The following L3MBTL4 variants were observed in gnomAD, a reference collection of about 807,000 sequenced individuals.
L3MBTL4 encodes the protein lethal(3)malignant brain tumor-like protein 4.
A neutral mutation model predicts 84.5 loss-of-function variants in L3MBTL4; 70 were observed. That is an observed-to-expected ratio of 0.83 (90% CI 0.68 to 1.01). The LOEUF is 1.01. L3MBTL4 is among the 50% of genes least tolerant of loss of function. The pLI, the probability that L3MBTL4 is intolerant of heterozygous loss-of-function variation, is 0.00. For synonymous variants in L3MBTL4, 274 were observed against 259.8 expected, an observed-to-expected ratio of 1.05 and a Z score of -0.52; for missense variants, 715 against 754.8, an observed-to-expected ratio of 0.95 and a Z score of 0.62.
intron 16 of L3MBTL4, among the ~76,000 whole-genome samples, chr18:6,052,849 A>T (rs2056884159): frequency 6.6e-6 from 1 of 152,232 alleles, no homozygotes; most frequent in African/African-American, 2.4e-5. Flanking sequence ...CAAAATGGAA[A>T]ATGTACTGCA....
At chr18:6,026,034 G>T (rs1357405260) in intron 16 of L3MBTL4, among the ~76,000 whole-genome samples, 8 of 152,328 alleles carry the variant, frequency 5.3e-5, no homozygotes, top group Admixed American at 3.9e-4. Context: ...CTTAAACTAC[G>T]TCAGCTGCAG....
In L3MBTL4 at chr18:6,162,154, A is replaced by T. The variant is rs75026227; in HGVS notation, c.1096+9674T>A. Among the ~76,000 whole-genome samples, 505 of 152,174 alleles carry T rather than the reference A, an allele frequency of 3.3e-3. 11 individuals are homozygous for T. Among genetic ancestry groups the T allele is most frequent in the East Asian group, 0.019 (99 of 5,182 alleles). ...GATCATTCTTTTTTCATATAATATC[A>T]CTGGTAGACAACCTACTGTGATATC... On this transcript the variant is annotated intron_variant, in intron 13 of 18. Coordinates refer to ENST00000317931, the MANE Select transcript of L3MBTL4 (RefSeq NM_001330559.2).
intron 1 of L3MBTL4, among the ~76,000 whole-genome samples, chr18:6,372,697 C>T (rs1285959300): frequency 6.6e-6 from 1 of 152,152 alleles, no homozygotes; most frequent in African/African-American, 2.4e-5. Context: ...CTCACCTGTA[C>T]ATTAAATTAT....
chr18:6,361,750 A>T (rs1301107008), intron 1 of L3MBTL4, among the ~76,000 whole-genome samples: 1 of 152,120 alleles, frequency 6.6e-6, no homozygotes, highest in Non-Finnish European at 1.5e-5. Flanking sequence ...ATGACCTCCA[A>T]AGAATTCCAT....
chr18:6,181,923 T>G (rs1031341092), intron 12 of L3MBTL4, among the ~76,000 whole-genome samples: 2 of 152,166 alleles, frequency 1.3e-5, no homozygotes, highest in African/African-American at 2.4e-5. Flanking sequence ...GTTAGGCATT[T>G]GGGTTGATTC....
intron 16 of L3MBTL4, among the ~76,000 whole-genome samples, chr18:6,061,886 T>G (rs1195139170): frequency 6.6e-6 from 1 of 151,948 alleles, no homozygotes; most frequent in Non-Finnish European, 1.5e-5. Flanking sequence ...AAGCACCTTA[T>G]AGCAGAATAT....
intron 16 of L3MBTL4, among the ~76,000 whole-genome samples, chr18:6,020,381 G>A (rs73938713): frequency 0.021 from 3,126 of 152,216 alleles, 112 homozygotes; most frequent in African/African-American, 0.072. Flanking sequence ...GCAGGCAGAG[G>A]AGACAGATGG....
chr18:6,311,476 T>C, intron 3 of L3MBTL4, 78 bp downstream of exon 3: 1 of 1,216,274 alleles, frequency 8.2e-7, no homozygotes, highest in Non-Finnish European at 1.2e-6. Context: ...AGTGTGGTTA[T>C]GTGAACTCTA....
rs1048456894 is a variant in L3MBTL4, at chr18:6,320,054, T to G, written c.-90-7998A>C. ...TAAAAACAAAAGCCATATGATCATT[T>G]CAATATAGGTAGAAAAAATAAATTA... On this transcript the variant is annotated intron_variant, in intron 1 of 18. Coordinates refer to ENST00000317931, the MANE Select transcript of L3MBTL4 (RefSeq NM_001330559.2). Among the ~76,000 whole-genome samples, 3 of 151,992 alleles carry G rather than the reference T, an allele frequency of 2.0e-5. No homozygotes were observed. In the South Asian group the frequency reaches 6.2e-4, roughly 32 times the overall value.
chr18:6,339,194 A>G (rs550530997), intron 1 of L3MBTL4, among the ~76,000 whole-genome samples: 2 of 152,170 alleles, frequency 1.3e-5, no homozygotes, highest in Non-Finnish European at 2.9e-5. Context: ...CAAAGAAAAT[A>G]AAAAAATGTC....
chr18:6,134,866 T>A (rs929883255), intron 14 of L3MBTL4, among the ~76,000 whole-genome samples: 1 of 152,180 alleles, frequency 6.6e-6, no homozygotes, highest in Non-Finnish European at 1.5e-5. Flanking sequence ...ACAGAGGCCC[T>A]CTTCTCACAG....
intron 1 of L3MBTL4, among the ~76,000 whole-genome samples, chr18:6,386,203 A>G (rs990138101): frequency 1.3e-5 from 2 of 152,232 alleles, no homozygotes; most frequent in African/African-American, 2.4e-5. Flanking sequence ...TTAAAGAATG[A>G]GAAAGATTCC....
At chr18:5,978,251 A>G (rs971286344) in intron 16 of L3MBTL4, among the ~76,000 whole-genome samples, 13 of 152,224 alleles carry the variant, frequency 8.5e-5, no homozygotes, top group African/African-American at 3.1e-4. Context: ...TCAATTTCAT[A>G]CACGAGCAGC....
At chr18:6,391,308 A>C (rs951966696) in intron 1 of L3MBTL4, among the ~76,000 whole-genome samples, 1 of 152,204 alleles carries the variant, frequency 6.6e-6, no homozygotes, top group African/African-American at 2.4e-5. Context: ...AACCCTCAAC[A>C]AACTAGGCAT....
chr18:6,002,440 T>C (rs796567239), intron 16 of L3MBTL4, among the ~76,000 whole-genome samples: 3 of 152,282 alleles, frequency 2.0e-5, no homozygotes, highest in African/African-American at 7.2e-5. Flanking sequence ...ACTTTGCTTC[T>C]TATTTTCTAC....
intron 12 of L3MBTL4, among the ~76,000 whole-genome samples, chr18:6,176,455 G>T (rs551243505): frequency 6.6e-6 from 1 of 152,046 alleles, no homozygotes; most frequent in African/African-American, 2.4e-5. Flanking sequence ...AATGAAGAAA[G>T]TACAGTCTTT....
chr18:6,338,363 A>G (rs2052445623), intron 1 of L3MBTL4, among the ~76,000 whole-genome samples: 1 of 152,132 alleles, frequency 6.6e-6, no homozygotes, highest in Non-Finnish European at 1.5e-5. Context: ...ACATAAATCA[A>G]TGCTGATAAA....
At chr18:6,118,446 T>C (rs2059425648) in intron 14 of L3MBTL4, among the ~76,000 whole-genome samples, 1 of 152,162 alleles carries the variant, frequency 6.6e-6, no homozygotes, top group Non-Finnish European at 1.5e-5. Context: ...ACTTTCTAGG[T>C]ATCATTCATC....
intron 14 of L3MBTL4, among the ~76,000 whole-genome samples, chr18:6,110,399 A>ATG (rs1491348604): frequency 1.3e-5 from 2 of 151,622 alleles, no homozygotes; most frequent in African/African-American, 2.4e-5. Context: ...TGGGGGCTGC[A>ATG]TGTGTGTGTG....
Sources: gnomAD v4.1 joint callset for allele counts (sites outside exome capture counted in the v4.1 genomes callset) on GRCh38, gnomAD v4.1.1 for gene constraint, MANE v1.5 for transcripts, NCBI Gene and HGNC (gene_info 2026-07-23, HGNC 2026-07-21) for gene names.